The following FAM200B variants were observed in gnomAD, a reference collection of about 807,000 sequenced individuals.
FAM200B encodes protein FAM200B.
In FAM200B, 32 loss-of-function variants were observed where a neutral mutation model predicts 33.1. That is an observed-to-expected ratio of 0.97 (90% CI 0.73 to 1.30). The LOEUF is 1.30. FAM200B is among the 50% of genes most tolerant of loss of function. The pLI, the probability that FAM200B is intolerant of heterozygous loss-of-function variation, is 0.00. For synonymous variants in FAM200B, 240 were observed against 264.8 expected (o/e 0.91, Z 0.91); for missense variants, 741 against 754.0 (o/e 0.98, Z 0.20).
the FAM200B span, chr4:15,655,489 G>A: frequency 3.0e-6 from 2 of 655,966 alleles, no homozygotes; most frequent in Non-Finnish European, 3.8e-6. Context: ...CCGGGCGCGC[G>A]CAGAGGCTCG....
chr4:15,643,382 G>A, the FAM200B span, among the ~76,000 whole-genome samples: 1 of 152,152 alleles, frequency 6.6e-6, no homozygotes, highest in Non-Finnish European at 1.5e-5. Flanking sequence ...CAAGCCAGAA[G>A]GGAAATAAAC....
In FAM200B at chr4:15,687,465, C is replaced by T; in HGVS notation, c.488C>T (p.Ala163Val). 6.4e-7 allele frequency: 1 copy of T among 1,551,092 alleles called. No homozygotes were observed. Among genetic ancestry groups the T allele is most frequent in the East Asian group, 2.4e-5 (1 of 40,872 alleles). The change falls in exon 2 of 2, where the codon GCT (alanine) becomes GTT (valine). Residue 163 changes from alanine to valine, a missense_variant. Ala to Val is a moderately conservative substitution (Grantham distance 64, BLOSUM62 0). Transcript: ENST00000422728. ...TATCGTGTGGCAAAAGAGAAAATAGCTAACACAGCTGCTGAAAAAATTATT... is the reference window on the plus strand; with the variant it reads ...TATCGTGTGGCAAAAGAGAAAATAGTTAACACAGCTGCTGAAAAAATTATT... ...VAYRVAKEKI[A>V]NTAAEKIILP...
the FAM200B span, among the ~76,000 whole-genome samples, chr4:15,650,398 T>C: frequency 6.6e-6 from 1 of 152,178 alleles, no homozygotes; most frequent in East Asian, 1.9e-4. Context: ...TGATGTACTC[T>C]AGTATTTACT....
chr4:15,688,096 T>G lies in FAM200B; in HGVS notation c.1119T>G (p.Ile373Met). The G allele has an allele frequency of 6.4e-7, 1 of 1,551,290 alleles. No individual in the cohort carries two copies. The highest frequency in any genetic ancestry group is 8.7e-7 in the Non-Finnish European group (1 of 1,146,768). ...TTCTTGAAACATTTTGTTCAGAGATTGGAACTAATCATACCCACTTACTAT... is the reference window on the plus strand; with the variant it reads ...TTCTTGAAACATTTTGTTCAGAGATGGGAACTAATCATACCCACTTACTAT... ...SRLLETFCSE[I>M]GTNHTHLLYH... Residue 373 changes from isoleucine to methionine, a missense_variant, in exon 2 of 2, where the codon ATT becomes ATG. Physicochemically the swap from Ile to Met is conservative, Grantham distance 10 (BLOSUM62 1). Transcript: ENST00000422728.
the FAM200B span, among the ~76,000 whole-genome samples, chr4:15,641,842 C>A: frequency 6.6e-6 from 1 of 151,990 alleles, no homozygotes; most frequent in African/African-American, 2.4e-5. Flanking sequence ...GCCAGCCCAA[C>A]GCGGCGAAAC....
the FAM200B span, among the ~76,000 whole-genome samples, chr4:15,643,741 T>C: frequency 2.0e-5 from 3 of 152,198 alleles, no homozygotes; most frequent in African/African-American, 4.8e-5. Flanking sequence ...CAAGTAAAAA[T>C]TTATAAAATT....
the FAM200B span, among the ~76,000 whole-genome samples, chr4:15,653,457 C>G: frequency 1.3e-5 from 2 of 152,054 alleles, no homozygotes; most frequent in Non-Finnish European, 2.9e-5. Context: ...AATTGTGATT[C>G]TTTATTTTGG....
chr4:15,656,987 C>G, the FAM200B span, among the ~76,000 whole-genome samples: 3 of 149,964 alleles, frequency 2.0e-5, no homozygotes, highest in Admixed American at 2.0e-4. Context: ...ACAGAGATGG[C>G]TTATTCACAG....
At chr4:15,675,572 A>AT in the FAM200B span, among the ~76,000 whole-genome samples, 1,504 of 96,576 alleles carry the variant, frequency 0.016, 91 homozygotes, top group African/African-American at 0.036. Context: ...CAAAACTCCT[A>AT]TTTTTTTTTT....
the FAM200B span, among the ~76,000 whole-genome samples, chr4:15,671,933 T>C: frequency 6.6e-6 from 1 of 152,224 alleles, no homozygotes; most frequent in South Asian, 2.1e-4. Flanking sequence ...TTTTTGAACA[T>C]ATGGAATACT....
chr4:15,666,407 A>G, the FAM200B span, among the ~76,000 whole-genome samples: 1 of 152,112 alleles, frequency 6.6e-6, no homozygotes, highest in African/African-American at 2.4e-5. Flanking sequence ...CTAAAAAAAT[A>G]AAATAAAGAC....
At chr4:15,647,484 A>G in the FAM200B span, among the ~76,000 whole-genome samples, 1 of 152,188 alleles carries the variant, frequency 6.6e-6, no homozygotes, top group Non-Finnish European at 1.5e-5. Flanking sequence ...AAATAGGAGG[A>G]TACCAAGGGA....
the FAM200B span, chr4:15,640,703 A>G: frequency 1.5e-6 from 1 of 656,050 alleles, no homozygotes; most frequent in East Asian, 3.0e-5. Context: ...ACATCTTCCT[A>G]TGCATTATTT....
At chr4:15,644,526 A>G in the FAM200B span, 1 of 1,613,856 alleles carries the variant, frequency 6.2e-7, no homozygotes, top group East Asian at 2.2e-5. Context: ...CAAAGAGGCT[A>G]AGCATCTCGG....
At chr4:15,644,146 C>T in the FAM200B span, among the ~76,000 whole-genome samples, 16 of 152,350 alleles carry the variant, frequency 1.1e-4, no homozygotes, top group African/African-American at 3.8e-4. Context: ...CAATATGTTA[C>T]TATCCTCTTG....
rs371969327 is a variant in FAM200B, at chr4:15,688,881, T to C, written c.1904T>C (p.Met635Thr). The change falls in exon 2 of 2, where the codon ATG becomes ACG. Residue 635 changes from methionine to threonine, a missense_variant. Met to Thr is a moderately conservative substitution (Grantham distance 81, BLOSUM62 -1). Coordinates refer to ENST00000422728, the MANE Select transcript of FAM200B (RefSeq NM_001145191.2). ...ERNGLNCAAV[M>T]RVALSSCVPD... is the part of the protein sequence containing the mutation. ...AATGGGCTGAATTGTGCAGCAGTTATGCGGGTAGCATTATCTTCCTGTGTT... is the reference window on the plus strand; with the variant it reads ...AATGGGCTGAATTGTGCAGCAGTTACGCGGGTAGCATTATCTTCCTGTGTT... The C allele has an allele frequency of 3.9e-6, 6 of 1,550,512 alleles. No individual in the cohort carries two copies. The highest frequency in any genetic ancestry group is 1.7e-4 in the Middle Eastern group (1 of 6,004).
At chr4:15,674,381 T>G in the FAM200B span, among the ~76,000 whole-genome samples, 43 of 152,252 alleles carry the variant, frequency 2.8e-4, no homozygotes, top group African/African-American at 8.9e-4. Context: ...ATGTGAGAAC[T>G]GCACTTGAGA....
chr4:15,644,593 C>T, the FAM200B span: 1 of 1,613,998 alleles, frequency 6.2e-7, no homozygotes, highest in Non-Finnish European at 8.5e-7. Flanking sequence ...TTGAAGCAAA[C>T]CAATAATGTA....
the FAM200B span, among the ~76,000 whole-genome samples, chr4:15,651,030 T>C: frequency 1.3e-5 from 2 of 152,180 alleles, no homozygotes; most frequent in Non-Finnish European, 1.5e-5. Context: ...TTAAAGACGA[T>C]ACAGTACATT....
Sources: gnomAD v4.1 joint callset for allele counts (sites outside exome capture counted in the v4.1 genomes callset) on GRCh38, gnomAD v4.1.1 for gene constraint, MANE v1.5 for transcripts, NCBI Gene and HGNC (gene_info 2026-07-23, HGNC 2026-07-21) for gene names.